Variants in ALDH1A2 observed in about 807,000 individuals in gnomAD.
The protein encoded by ALDH1A2 is aldehyde dehydrogenase 1 family member A2.
A neutral mutation model predicts 60.3 loss-of-function variants in ALDH1A2; 27 were observed. The ratio of observed to expected loss-of-function variants is 0.45; its 90% confidence interval spans 0.33 to 0.62. ALDH1A2 has a LOEUF of 0.62. Among genes scored for constraint, ALDH1A2 ranks in the 20% least tolerant of loss-of-function variants. The probability of loss-of-function intolerance (pLI) is 0.02; values close to 1 mark genes in which losing one functional copy is unlikely to be tolerated. For missense variants in ALDH1A2, 581 were observed against 643.8 expected (o/e 0.90, Z 1.06); for synonymous variants, 289 against 232.4 (o/e 1.24, Z -2.21).
chr15:58,058,398 G>A (rs1197008563), intron 1 of ALDH1A2, among the ~76,000 whole-genome samples: 1 of 150,208 alleles, frequency 6.7e-6, no homozygotes, highest in Non-Finnish European at 1.5e-5. Context: ...TTCTTCTTGT[G>A]GGAAAGAGTC....
At chr15:57,971,601 A>T (rs536731918) in intron 7 of ALDH1A2, among the ~76,000 whole-genome samples, 1 of 151,888 alleles carries the variant, frequency 6.6e-6, no homozygotes, top group East Asian at 1.9e-4. Context: ...TAAAAAAAAA[A>T]ATTGGTACAG....
At chr15:58,034,832 T>C (rs1006127548) in intron 1 of ALDH1A2, among the ~76,000 whole-genome samples, 3 of 151,670 alleles carry the variant, frequency 2.0e-5, no homozygotes, top group East Asian at 3.9e-4. Flanking sequence ...TGCTTGGTTA[T>C]GGTGTATAAT....
At chr15:58,042,772 G>T (rs775051240) in intron 1 of ALDH1A2, among the ~76,000 whole-genome samples, 1 of 151,906 alleles carries the variant, frequency 6.6e-6, no homozygotes, top group Non-Finnish European at 1.5e-5. Context: ...TAAAATACCA[G>T]TGCCACTGGT....
intron 1 of ALDH1A2, among the ~76,000 whole-genome samples, chr15:58,063,483 C>A (rs1897093539): frequency 6.6e-6 from 1 of 152,058 alleles, no homozygotes; most frequent in African/African-American, 2.4e-5. Context: ...CACTATTAAT[C>A]TTATTTTTCC....
At chr15:58,000,032 C>A (rs1236404498) in intron 4 of ALDH1A2, among the ~76,000 whole-genome samples, 3 of 151,716 alleles carry the variant, frequency 2.0e-5, no homozygotes, top group Non-Finnish European at 4.4e-5. Flanking sequence ...GGAAGGGGAA[C>A]AACAGACATT....
intron 7 of ALDH1A2, among the ~76,000 whole-genome samples, chr15:57,968,656 T>G (rs1164806257): frequency 1.3e-5 from 2 of 152,232 alleles, no homozygotes; most frequent in East Asian, 3.8e-4. Flanking sequence ...CCTTCAGGAT[T>G]ATATTCAAGA....
At chr15:57,995,813 C>T (rs1595651954) in intron 4 of ALDH1A2, among the ~76,000 whole-genome samples, 1 of 152,232 alleles carries the variant, frequency 6.6e-6, no homozygotes, top group East Asian at 1.9e-4. Context: ...TTCAGAAAAA[C>T]TTAATAACCT....
intron 1 of ALDH1A2, among the ~76,000 whole-genome samples, chr15:58,024,485 A>G (rs1357859062): frequency 6.6e-6 from 1 of 152,206 alleles, no homozygotes; most frequent in Non-Finnish European, 1.5e-5. Context: ...TCATTATATA[A>G]TATGAGGGAA....
chr15:58,052,904 T>C (rs1480427033), intron 1 of ALDH1A2, among the ~76,000 whole-genome samples: 3 of 152,182 alleles, frequency 2.0e-5, no homozygotes, highest in South Asian at 4.1e-4. Flanking sequence ...AGGAAGCACA[T>C]GAAAGAAATT....
intron 7 of ALDH1A2, among the ~76,000 whole-genome samples, chr15:57,985,036 G>C (rs2140479982): frequency 6.6e-6 from 1 of 151,910 alleles, no homozygotes; most frequent in East Asian, 1.9e-4. Flanking sequence ...ATTTTGTCGA[G>C]GATTTTTCCA....
chr15:57,965,026 G>T (rs1423367489), intron 8 of ALDH1A2, among the ~76,000 whole-genome samples: 1 of 151,342 alleles, frequency 6.6e-6, no homozygotes, highest in East Asian at 1.9e-4. Flanking sequence ...AAAAAAAAAA[G>T]AATCACTGAA....
chr15:58,043,113 TCTAGC>T, intron 1 of ALDH1A2, among the ~76,000 whole-genome samples: 1 of 152,068 alleles, frequency 6.6e-6, no homozygotes, highest in Admixed American at 6.6e-5. Context: ...ACTCAGCTTC[TCTAGC>T]CCTCAATTTC....
At chr15:57,975,234 C>A (rs1273630477) in intron 7 of ALDH1A2, among the ~76,000 whole-genome samples, 9 of 152,312 alleles carry the variant, frequency 5.9e-5, no homozygotes, top group Non-Finnish European at 1.0e-4. Context: ...CATGTCCATA[C>A]AAATATTTGT....
intron 7 of ALDH1A2, among the ~76,000 whole-genome samples, chr15:57,989,595 T>G (rs78009170): frequency 0.031 from 4,668 of 152,268 alleles, 92 homozygotes; most frequent in Non-Finnish European, 0.046. Context: ...ATTTCCTGTA[T>G]AGTTTGGTGC....
At chr15:58,017,878 G>T (rs1379460107) in intron 1 of ALDH1A2, among the ~76,000 whole-genome samples, 1 of 152,002 alleles carries the variant, frequency 6.6e-6, no homozygotes, top group Non-Finnish European at 1.5e-5. Context: ...TTTTCCTGGT[G>T]TGCCAAAATT....
At chr15:57,958,137 T>A (rs1182388277) in intron 12 of ALDH1A2, among the ~76,000 whole-genome samples, 6 of 152,076 alleles carry the variant, frequency 3.9e-5, no homozygotes, top group South Asian at 2.1e-4. Context: ...TGAGAGTGGG[T>A]CCCTAGATAC....
intron 1 of ALDH1A2, among the ~76,000 whole-genome samples, chr15:58,048,998 A>C (rs1896707209): frequency 6.6e-6 from 1 of 151,724 alleles, no homozygotes; most frequent in African/African-American, 2.4e-5. Flanking sequence ...CTCACATTCC[A>C]AACAACCACT....
chr15:58,025,934 C>T (rs1319293555), intron 1 of ALDH1A2, among the ~76,000 whole-genome samples: 1 of 152,202 alleles, frequency 6.6e-6, no homozygotes, highest in African/African-American at 2.4e-5. Flanking sequence ...GTGCACCAAG[C>T]CACTACTGAC....
At chr15:58,054,862 CAT>C (rs1458340309) in intron 1 of ALDH1A2, among the ~76,000 whole-genome samples, 1 of 152,140 alleles carries the variant, frequency 6.6e-6, no homozygotes, top group African/African-American at 2.4e-5. Flanking sequence ...TAAAAAATCA[CAT>C]ATTCCCAGGT....
Sources: allele counts gnomAD v4.1 joint callset (sites outside exome capture counted in the v4.1 genomes callset), GRCh38; gene constraint gnomAD v4.1.1; transcripts MANE v1.5; gene names NCBI Gene and HGNC (gene_info 2026-07-23, HGNC 2026-07-21).